Variants in LRP1B observed in about 807,000 individuals in gnomAD.
LRP1B encodes the protein LDL receptor related protein 1B.
In LRP1B, 217 loss-of-function variants were observed where a neutral mutation model predicts 556.6. The ratio of observed to expected loss-of-function variants is 0.39; its 90% CI spans 0.35 to 0.44. The LOEUF (loss-of-function observed/expected upper bound fraction) is 0.44, where lower values mean the gene tolerates loss of function less well. LRP1B is among the 20% of genes least tolerant of loss of function. The pLI is 1.00. For missense variants in LRP1B, 5,053 were observed against 5,620.8 expected, an observed-to-expected ratio of 0.90 and a Z score of 3.23; for synonymous variants, 2,047 against 1,865.8, an observed-to-expected ratio of 1.10 and a Z score of -2.50.
intron 25 of LRP1B, among the ~76,000 whole-genome samples, chr2:140,868,504 C>T (rs1693023458): frequency 1.3e-5 from 2 of 151,904 alleles, no homozygotes; most frequent in South Asian, 4.1e-4. Flanking sequence ...GAGAGAATAG[C>T]AGGTGACTGA....
At chr2:140,611,358 A>G (rs754895402) in intron 41 of LRP1B, among the ~76,000 whole-genome samples, 4 of 152,158 alleles carry the variant, frequency 2.6e-5, no homozygotes, top group Non-Finnish European at 2.9e-5. Context: ...TAGGTGGAGA[A>G]GTGGTGAGAC....
At chr2:141,221,447 A>G (rs1683037474) in intron 6 of LRP1B, among the ~76,000 whole-genome samples, 1 of 152,146 alleles carries the variant, frequency 6.6e-6, no homozygotes, top group Non-Finnish European at 1.5e-5. Flanking sequence ...TTACTCCCAC[A>G]CAATGATAGT....
rs371137359 is a variant in LRP1B, at chr2:141,515,006, A to G, written c.206-34473T>C. On this transcript the variant is annotated intron_variant, in intron 2 of 90. Transcript: ENST00000389484. The stretch of plus-strand genomic sequence containing the variant: ...CTTAGGCGTTAGGCCACCCACCAGG[A>G]TAAAGAAATATTCCAGCTGGGCATG... 9.0e-3 allele frequency among the ~76,000 whole-genome samples: 667 copies of G among 73,720 alleles called. 8 individuals carry two copies. The highest frequency in any genetic ancestry group is 0.02 in the African/African-American group (596 of 30,322). The allele number at this position is 73,720 out of a possible 152,430, so 48.4% of individuals were successfully genotyped here.
In LRP1B at chr2:140,387,342, T is replaced by C. The variant is rs548509230; in HGVS notation, c.10415-1333A>G. 4.6e-5 allele frequency among the ~76,000 whole-genome samples: 7 copies of C among 152,324 alleles called. 3 individuals carry two copies. The highest frequency in any genetic ancestry group is 1.4e-4 in the African/African-American group (6 of 41,580). The stretch of plus-strand genomic sequence containing the variant: ...ATGAAAATTAAATACTGAGCATCTA[T>C]TGAGGATCCAGCCTCTTTGCTAAGC... On this transcript the variant is annotated intron_variant, in intron 66 of 90. Transcript: ENST00000389484.
chr2:141,491,512 A>G (rs765065136), intron 2 of LRP1B, among the ~76,000 whole-genome samples: 5 of 152,138 alleles, frequency 3.3e-5, no homozygotes, highest in Non-Finnish European at 7.4e-5. Flanking sequence ...GATAGCTCCT[A>G]ACTGCAATTT....
intron 3 of LRP1B, among the ~76,000 whole-genome samples, chr2:141,414,346 A>G (rs957475766): frequency 1.4e-5 from 2 of 141,618 alleles, no homozygotes; most frequent in African/African-American, 5.2e-5. Flanking sequence ...AGAGAGAGAG[A>G]GGAAGGGAGG....
At chr2:140,441,324 T>C (rs960758310) in intron 66 of LRP1B, among the ~76,000 whole-genome samples, 6 of 152,124 alleles carry the variant, frequency 3.9e-5, no homozygotes, top group African/African-American at 1.4e-4. Flanking sequence ...AATTAGCCAG[T>C]AATATAAACT....
At chr2:140,757,874 T>A (rs1156300329) in intron 35 of LRP1B, among the ~76,000 whole-genome samples, 1 of 152,148 alleles carries the variant, frequency 6.6e-6, no homozygotes, top group Admixed American at 6.6e-5. Context: ...AGACACTGTC[T>A]CAAAATGTAA....
chr2:141,585,595 G>T lies in LRP1B; in HGVS notation c.206-105062C>A, dbSNP rs568923328. Among the ~76,000 whole-genome samples, 14 of 152,148 alleles carry T rather than the reference G, an allele frequency of 9.2e-5. No individual in the cohort carries two copies. The South Asian group carries it at 2.9e-3, about 32-fold the overall frequency. ...ATATACGAGTTTACCTTCTAAATAT[G>T]CCTGTGTGTGTGCCTATTTCATGTC... On this transcript the variant is annotated intron_variant, in intron 2 of 90. Coordinates refer to ENST00000389484, the MANE Select transcript of LRP1B (RefSeq NM_018557.3).
chr2:141,768,803 T>G (rs1694808346), intron 2 of LRP1B, among the ~76,000 whole-genome samples: 1 of 152,058 alleles, frequency 6.6e-6, no homozygotes, highest in African/African-American at 2.4e-5. Flanking sequence ...ATAACTAGGG[T>G]TATAGTTATA....
chr2:141,630,356 T>A (rs1361727096), intron 2 of LRP1B, among the ~76,000 whole-genome samples: 1 of 152,220 alleles, frequency 6.6e-6, no homozygotes, highest in Non-Finnish European at 1.5e-5. Flanking sequence ...GCTGCAGGGA[T>A]AAAATCAAAC....
intron 14 of LRP1B, among the ~76,000 whole-genome samples, chr2:141,006,001 C>A (rs77710802): frequency 6.6e-6 from 1 of 151,756 alleles, no homozygotes; most frequent in Admixed American, 6.6e-5. Context: ...TTCACCAGGG[C>A]GAAAGTGTTC....
chr2:141,587,045 G>A (rs972129784), intron 2 of LRP1B, among the ~76,000 whole-genome samples: 7 of 151,190 alleles, frequency 4.6e-5, no homozygotes, highest in Non-Finnish European at 8.9e-5. Context: ...AAAATGGCAC[G>A]TAAACAAACT....
intron 3 of LRP1B, among the ~76,000 whole-genome samples, chr2:141,322,222 C>T (rs114468494): frequency 2.6e-5 from 4 of 152,210 alleles, no homozygotes; most frequent in African/African-American, 7.2e-5. Context: ...GACAGACGTA[C>T]TCCTCTTTAA....
chr2:140,886,117 G>C (rs1693631101), intron 24 of LRP1B, 21 bp downstream of exon 24: 1 of 1,442,592 alleles, frequency 6.9e-7, no homozygotes, highest in Non-Finnish European at 9.4e-7. Flanking sequence ...TAAACATTAA[G>C]AAAAATTATA....
At chr2:141,448,749 G>A (rs1681296555) in intron 3 of LRP1B, among the ~76,000 whole-genome samples, 1 of 152,144 alleles carries the variant, frequency 6.6e-6, no homozygotes, top group Non-Finnish European at 1.5e-5. Context: ...CACTCCCAGT[G>A]AGATCAGCCA....
chr2:141,660,406 G>C (rs1049383765), intron 2 of LRP1B, among the ~76,000 whole-genome samples: 1 of 128,844 alleles, frequency 7.8e-6, no homozygotes, highest in Admixed American at 7.6e-5. Context: ...CGCCTGGCTG[G>C]AGACTGCACA....
At chr2:140,572,430 C>A (rs914898410) in intron 43 of LRP1B, among the ~76,000 whole-genome samples, 3 of 151,522 alleles carry the variant, frequency 2.0e-5, no homozygotes, top group Non-Finnish European at 4.4e-5. Context: ...AAATGCAAAT[C>A]AAAACCAAAA....
chr2:141,963,746 C>T (rs958372077), intron 1 of LRP1B, among the ~76,000 whole-genome samples: 9 of 147,326 alleles, frequency 6.1e-5, no homozygotes, highest in Admixed American at 3.4e-4. Flanking sequence ...CTGGCCAGGG[C>T]AATCAGGCAG....
Sources: allele counts gnomAD v4.1 joint callset (sites outside exome capture counted in the v4.1 genomes callset), GRCh38; gene constraint gnomAD v4.1.1; transcripts MANE v1.5; gene names NCBI Gene and HGNC (gene_info 2026-07-23, HGNC 2026-07-21).